SELENOI: variants seen among roughly 807,000 people sequenced by gnomAD.
SELENOI encodes selenoprotein I.
A neutral mutation model predicts 50.7 loss-of-function variants in SELENOI; 24 were observed. The observed-to-expected ratio is 0.47, with a 90% CI of 0.34 to 0.67. The LOEUF (loss-of-function observed/expected upper bound fraction) is 0.67, where lower values mean the gene tolerates loss of function less well. SELENOI is among the 30% of genes least tolerant of loss of function. The pLI is 0.01. For synonymous variants in SELENOI, 155 were observed against 170.2 expected, an observed-to-expected ratio of 0.91 and a Z score of 0.70; for missense variants, 352 against 461.4, an observed-to-expected ratio of 0.76 and a Z score of 2.17.
At chr2:26,371,540 G>A (rs1398502390) in intron 4 of SELENOI, among the ~76,000 whole-genome samples, 1 of 152,254 alleles carries the variant, frequency 6.6e-6, no homozygotes, top group Non-Finnish European at 1.5e-5. Flanking sequence ...AGCGAGCCGA[G>A]ATCACGCCAC....
intron 6 of SELENOI, among the ~76,000 whole-genome samples, chr2:26,377,266 C>A (rs992479633): frequency 6.6e-6 from 1 of 152,080 alleles, no homozygotes; most frequent in Non-Finnish European, 1.5e-5. Context: ...TCTTTAAATT[C>A]ATTGCTTTTT....
At chr2:26,382,715 G>A (rs892102570) in intron 6 of SELENOI, among the ~76,000 whole-genome samples, 7 of 152,066 alleles carry the variant, frequency 4.6e-5, no homozygotes, top group Non-Finnish European at 1.0e-4. Context: ...AGGAAGACTG[G>A]GTGTGGTGGC....
At chr2:26,351,055 GTT>G (rs35623246) in intron 1 of SELENOI, among the ~76,000 whole-genome samples, 199 of 102,860 alleles carry the variant, frequency 1.9e-3, no homozygotes, top group Middle Eastern at 6.3e-3. Context: ...CTGTTTGTTT[GTT>G]TTTTTTTTTT....
intron 6 of SELENOI, among the ~76,000 whole-genome samples, chr2:26,378,172 A>G (rs1334284901): frequency 6.6e-6 from 1 of 151,926 alleles, no homozygotes; most frequent in Non-Finnish European, 1.5e-5. Flanking sequence ...TCACCTCTCT[A>G]TGATTTTTTT....
intron 5 of SELENOI, among the ~76,000 whole-genome samples, 153 bp downstream of exon 5, chr2:26,373,782 A>G (rs555900834): frequency 1.3e-5 from 2 of 152,234 alleles, no homozygotes; most frequent in Non-Finnish European, 2.9e-5. Flanking sequence ...TTTCAAAAAT[A>G]GAATAGTATA....
At chr2:26,387,401 T>C (rs1677865897) in intron 9 of SELENOI, among the ~76,000 whole-genome samples, 4 of 152,102 alleles carry the variant, frequency 2.6e-5, no homozygotes, top group African/African-American at 9.7e-5. Flanking sequence ...ATTATAAATA[T>C]TGCCCTAGGC....
intron 4 of SELENOI, among the ~76,000 whole-genome samples, chr2:26,371,716 T>G (rs1290450320): frequency 6.6e-6 from 1 of 152,100 alleles, no homozygotes; most frequent in East Asian, 1.9e-4. Context: ...CGAAAACCAG[T>G]CAGGCGTGGC....
At chr2:26,388,817 T>C (rs1677902106) in intron 9 of SELENOI, among the ~76,000 whole-genome samples, 188 bp from the exon 10 acceptor site, 1 of 152,244 alleles carries the variant, frequency 6.6e-6, no homozygotes, top group African/African-American at 2.4e-5. Flanking sequence ...AACTTTCCCA[T>C]GTTAGTTCTA....
Position 26,393,490 on chromosome 2 carries a change from C to G in SELENOI, c.*4387C>G, listed in dbSNP as rs989266591. On this transcript the variant is annotated 3_prime_UTR_variant, in exon 10 of 10. Coordinates refer to ENST00000260585, the MANE Select transcript of SELENOI (RefSeq NM_033505.4). Reference sequence around the variant, plus strand: ...CCATTTGTAGCTCTCTCACAGGTAGCTTAAGCGAGGGGGTTGTGTTGCATG... The same window carrying G: ...CCATTTGTAGCTCTCTCACAGGTAGGTTAAGCGAGGGGGTTGTGTTGCATG... The G allele has an allele frequency of 6.6e-6, 1 of 152,290 alleles. No individual in the cohort carries two copies. The highest frequency in any genetic ancestry group is 1.5e-5 in the Non-Finnish European group (1 of 68,038). The allele number at this position is 152,290 out of a possible 1,614,324, so 9.4% of individuals were successfully genotyped here.
chr2:26,361,350 C>A (rs2147948304), intron 1 of SELENOI, among the ~76,000 whole-genome samples: 1 of 152,278 alleles, frequency 6.6e-6, no homozygotes, highest in East Asian at 1.9e-4. Flanking sequence ...ACTATTTTTT[C>A]CTATACATAC....
chr2:26,351,104 G>T (rs1676950554), intron 1 of SELENOI, among the ~76,000 whole-genome samples: 1 of 147,788 alleles, frequency 6.8e-6, no homozygotes, highest in African/African-American at 2.5e-5. Flanking sequence ...TGTTGCCCAG[G>T]CTGGAGTGCA....
At chr2:26,381,980 A>G (rs1193116745) in intron 6 of SELENOI, among the ~76,000 whole-genome samples, 1 of 152,198 alleles carries the variant, frequency 6.6e-6, no homozygotes, top group African/African-American at 2.4e-5. Flanking sequence ...GGAACATCCA[A>G]ATGAAGTGCC....
At chr2:26,375,592 C>T (rs1449906685) in intron 6 of SELENOI, among the ~76,000 whole-genome samples, 3 of 152,156 alleles carry the variant, frequency 2.0e-5, no homozygotes, top group Non-Finnish European at 4.4e-5. Context: ...TCTTAACCCA[C>T]TGATTGCTAA....
chr2:26,387,691 G>C (rs1424127860), intron 9 of SELENOI, among the ~76,000 whole-genome samples: 5 of 34,454 alleles, frequency 1.5e-4, no homozygotes, highest in African/African-American at 5.1e-4. Context: ...GTGAGACCCT[G>C]TCTCAAAAAA....
At chr2:26,347,166 G>T (rs1288964137) in intron 1 of SELENOI, among the ~76,000 whole-genome samples, 1 of 152,032 alleles carries the variant, frequency 6.6e-6, no homozygotes, top group African/African-American at 2.4e-5. Context: ...GTTGTTACCC[G>T]TTCATCTTCA....
chr2:26,363,885 C>T (rs1409310220), intron 1 of SELENOI, among the ~76,000 whole-genome samples: 2 of 151,998 alleles, frequency 1.3e-5, no homozygotes, highest in African/African-American at 4.8e-5. Context: ...GGATTACAGG[C>T]GTGTGCCACC....
Position 26,395,020 on chromosome 2 carries a change from T to G in SELENOI, c.*5917T>G, listed in dbSNP as rs2147968240. On this transcript the variant is annotated 3_prime_UTR_variant, in exon 10 of 10. Transcript: ENST00000260585. ...CAGAATATTTTGGGGAGAGGAAGAG[T>G]AGTTTAATTCAAGTAGTTTAATTGA... The G allele has an allele frequency of 6.6e-6, 1 of 152,018 alleles. No homozygotes were observed. Among genetic ancestry groups the G allele is most frequent in the African/African-American group, 2.4e-5 (1 of 41,440 alleles). The allele number at this position is 152,018 out of a possible 1,614,324, so 9.4% of individuals were successfully genotyped here.
At position 26,389,055 on chromosome 2, in the gene SELENOI, A is replaced by G. The variant is rs762695739; in HGVS notation, c.1146A>G (p.Lys382=). 3.1e-6 allele frequency: 5 copies of G among 1,589,524 alleles called. No individual in the cohort carries two copies. In the South Asian group the frequency reaches 5.7e-5, roughly 18 times the overall value. The change falls in exon 10 of 10, where the codon AAA becomes AAG. Residue 382 remains lysine (K), a synonymous_variant. Transcript: ENST00000260585. Reference sequence around the variant, plus strand: ...AGATTTACCCCTTCTCATTGAGGAAACCAAACTCAGATTGACTAGGAATGG... The same window carrying G: ...AGATTTACCCCTTCTCATTGAGGAAGCCAAACTCAGATTGACTAGGAATGG... The part of the protein sequence containing the change: ...HFQIYPFSLR[K]PNSDULGMEE...
chr2:26,384,923 A>G, intron 7 of SELENOI, 36 bp from the exon 8 acceptor site: 1 of 1,478,746 alleles, frequency 6.8e-7, no homozygotes, highest in Non-Finnish European at 9.3e-7. Flanking sequence ...TTTATATGTA[A>G]TAATGTTCTT....
Sources: gnomAD v4.1 joint callset for allele counts (sites outside exome capture counted in the v4.1 genomes callset) on GRCh38, gnomAD v4.1.1 for gene constraint, MANE v1.5 for transcripts, NCBI Gene and HGNC (gene_info 2026-07-23, HGNC 2026-07-21) for gene names.